Variants in PTPRF observed in about 807,000 individuals in gnomAD.
PTPRF encodes the protein protein tyrosine phosphatase receptor type F.
A neutral mutation model predicts 201.8 loss-of-function variants in PTPRF; 59 were observed. The ratio of observed to expected loss-of-function variants is 0.29; its 90% CI spans 0.24 to 0.36. The LOEUF is 0.36. PTPRF is among the 10% of genes least tolerant of loss of function. PTPRF has a pLI of 1.00. For missense variants in PTPRF, 2,132 were observed against 2,690.5 expected, an observed-to-expected ratio of 0.79 and a Z score of 4.59; for synonymous variants, 1,088 against 1,089.7, an observed-to-expected ratio of 1.00 and a Z score of 0.03.
At chr1:43,595,882 C>G (rs1652129953) in intron 11 of PTPRF, among the ~76,000 whole-genome samples, 1 of 151,968 alleles carries the variant, frequency 6.6e-6, no homozygotes, top group African/African-American at 2.4e-5. Flanking sequence ...AGGAGGGGGA[C>G]TGTTTCATGT....
chr1:43,619,244 G>GGGA, intron 27 of PTPRF, 42 bp downstream of exon 27: 1 of 563,430 alleles, frequency 1.8e-6, no homozygotes, highest in Non-Finnish European at 3.4e-6. Context: ...GGTGGGGTGG[G>GGGA]AGGTGGGGGC....
chr1:43,571,695 C>T (rs1038409182), intron 6 of PTPRF, among the ~76,000 whole-genome samples: 9 of 152,216 alleles, frequency 5.9e-5, no homozygotes, highest in South Asian at 2.1e-4. Flanking sequence ...CGGGCCCTCC[C>T]GAGAATCCAT....
intron 5 of PTPRF, among the ~76,000 whole-genome samples, chr1:43,556,982 G>A (rs6687703): frequency 0.029 from 4,430 of 152,264 alleles, 227 homozygotes; most frequent in African/African-American, 0.1. Context: ...GTGTTCTCAG[G>A]CTCCTCCCTG....
At position 43,591,515 on chromosome 1, in the gene PTPRF, C is replaced by A; in HGVS notation, c.1493C>A (p.Pro498His). Residue 498 changes from proline to histidine, a missense_variant, in exon 9 of 34, where the codon CCT (proline) becomes CAT (histidine). Physicochemically the swap from Pro to His is moderately conservative, Grantham distance 77. Coordinates refer to ENST00000359947, the MANE Select transcript of PTPRF (RefSeq NM_002840.5). ...VLAFTAVGDG[P>H]PSPTIQVKTQ... ...GCCTTCACCGCCGTGGGCGATGGCCCTCCCAGCCCCACCATCCAGGTCAAG... is the reference window on the plus strand; with the variant it reads ...GCCTTCACCGCCGTGGGCGATGGCCATCCCAGCCCCACCATCCAGGTCAAG... 1 of 1,598,996 alleles carries A rather than the reference C, an allele frequency of 6.3e-7. No homozygotes were observed.
chr1:43,609,536 A>G, intron 22 of PTPRF, 38 bp downstream of exon 22: 1 of 1,533,354 alleles, frequency 6.5e-7, no homozygotes, highest in Non-Finnish European at 9.0e-7. Context: ...CCCAGCCCAG[A>G]CCTAGCAGGC....
Position 43,546,368 on chromosome 1 carries a change from A to T in PTPRF, c.91+1202A>T, listed in dbSNP as rs1644675179. Among the ~76,000 whole-genome samples, 1 of 152,118 alleles carries T rather than the reference A, an allele frequency of 6.6e-6. No individual in the cohort carries two copies. Among genetic ancestry groups the T allele is most frequent in the South Asian group, 2.1e-4 (1 of 4,828 alleles). On this transcript the variant is annotated intron_variant, in intron 3 of 33. Transcript: ENST00000359947. The surrounding 1 kb of genome is among the most constrained non-coding windows in gnomAD (Gnocchi z 4.2). ...CCAGGTACCAAAGAGAGGGCTGGGC[A>T]GGTGAGAGCAAGGAAAAAAGACAGG...
chr1:43,535,403 T>C (rs1643940620), intron 1 of PTPRF, among the ~76,000 whole-genome samples: 1 of 152,152 alleles, frequency 6.6e-6, no homozygotes, highest in Non-Finnish European at 1.5e-5. Flanking sequence ...CTACTGAGGC[T>C]CTTTCTGCCA....
chr1:43,610,654 T>C (rs1306895034), intron 22 of PTPRF, among the ~76,000 whole-genome samples: 1 of 152,160 alleles, frequency 6.6e-6, no homozygotes, highest in African/African-American at 2.4e-5. Context: ...CTGAGCCGGG[T>C]GGATCACCTG....
chr1:43,591,778 A>C, intron 9 of PTPRF, 34 bp from the exon 10 acceptor site: 1 of 1,611,062 alleles, frequency 6.2e-7, no homozygotes, highest in Non-Finnish European at 8.5e-7. Context: ...CCTCACGCAG[A>C]TGAGGCTGAC....
chr1:43,550,220 T>C (rs1644935962), intron 3 of PTPRF, among the ~76,000 whole-genome samples: 1 of 152,196 alleles, frequency 6.6e-6, no homozygotes, highest in South Asian at 2.1e-4. Flanking sequence ...GCCTCCTCGA[T>C]AGCCCCAGGC....
intron 3 of PTPRF, among the ~76,000 whole-genome samples, chr1:43,550,059 A>T (rs533951797): frequency 6.9e-6 from 1 of 144,556 alleles, no homozygotes; most frequent in African/African-American, 2.6e-5. Context: ...GTGGAGGTGG[A>T]TTGGAGGGAA....
chr1:43,543,022 C>T lies in PTPRF; in HGVS notation c.-45-2009C>T, dbSNP rs1451995116. Among the ~76,000 whole-genome samples the T allele has an allele frequency of 2.0e-5, 3 of 152,122 alleles. No individual in the cohort carries two copies. In the South Asian group the frequency reaches 6.2e-4, roughly 32 times the overall value. ...TCTGTGACTATTATATTGTTATACCCGATGATGCCGGTACGAGGCCACTGT... is the reference window on the plus strand; with the variant it reads ...TCTGTGACTATTATATTGTTATACCTGATGATGCCGGTACGAGGCCACTGT... On this transcript the variant is annotated intron_variant, in intron 2 of 33. Transcript: ENST00000359947.
chr1:43,579,148 C>G, intron 7 of PTPRF: 1 of 699,218 alleles, frequency 1.4e-6, no homozygotes, highest in Non-Finnish European at 2.7e-6. Context: ...GAAGCAGCCA[C>G]TCTTGGGAGC....
rs772588705 is a variant in PTPRF, at chr1:43,546,573, C to T, written c.91+1407C>T. On this transcript the variant is annotated intron_variant, in intron 3 of 33. Transcript: ENST00000359947. This position sits in a 1 kb window ranked among gnomAD's most constrained non-coding sequence, Gnocchi z 4.2. ...GAAGTACTGTCCTTGCCCTCCCCGC[C>T]GACCCAACCCCAGGCACTTTCAGGG... Among the ~76,000 whole-genome samples, 4 of 152,108 alleles carry T rather than the reference C, an allele frequency of 2.6e-5. No individual in the cohort carries two copies. Among genetic ancestry groups the T allele is most frequent in the Non-Finnish European group, 5.9e-5 (4 of 68,014 alleles).
At position 43,603,565 on chromosome 1, in the gene PTPRF, G is replaced by A. The variant is rs1239881790; in HGVS notation, c.2458+32G>A. 2.5e-6 allele frequency: 4 copies of A among 1,612,852 alleles called. No homozygotes were observed. The South Asian group carries it at 3.3e-5, about 13-fold the overall frequency. Reference sequence around the variant, plus strand: ...GAGGGGTCAGGACGGACCTGAGGGTGGGGCAGCAGGAGGGCAGCGCCAGAG... The same window carrying A: ...GAGGGGTCAGGACGGACCTGAGGGTAGGGCAGCAGGAGGGCAGCGCCAGAG... On this transcript the variant is annotated intron_variant, in intron 15 of 33. Transcript: ENST00000359947. The surrounding 1 kb of genome is among the most constrained non-coding windows in gnomAD (Gnocchi z 5.8).
intron 6 of PTPRF, among the ~76,000 whole-genome samples, chr1:43,572,129 C>T (rs1646616344): frequency 6.6e-6 from 1 of 152,252 alleles, no homozygotes; most frequent in Non-Finnish European, 1.5e-5. Flanking sequence ...TGCTCAGCCT[C>T]TGGCTGCTGC....
chr1:43,524,793 A>G (rs1643049258), upstream of PTPRF, among the ~76,000 whole-genome samples: 1 of 152,154 alleles, frequency 6.6e-6, no homozygotes, highest in South Asian at 2.1e-4. Flanking sequence ...GGTGGCTTTA[A>G]TCCTCTCTAT....
upstream of PTPRF, among the ~76,000 whole-genome samples, chr1:43,522,375 G>A (rs533871039): frequency 9.9e-5 from 15 of 152,252 alleles, no homozygotes; most frequent in African/African-American, 2.2e-4. Flanking sequence ...GTGACTGTTC[G>A]TTTTTTCTCC....
chr1:43,621,499 C>T (rs1340805158), intron 33 of PTPRF, among the ~76,000 whole-genome samples: 3 of 150,434 alleles, frequency 2.0e-5, no homozygotes, highest in Non-Finnish European at 4.4e-5. Flanking sequence ...CAGAGCAAGA[C>T]CCTGTTGCTG....
Sources: allele counts gnomAD v4.1 joint callset (sites outside exome capture counted in the v4.1 genomes callset), GRCh38; gene constraint gnomAD v4.1.1; non-coding constraint Gnocchi (gnomAD v3.1); transcripts MANE v1.5; gene names NCBI Gene and HGNC (gene_info 2026-07-23, HGNC 2026-07-21).